The following SRPK2 variants were observed in gnomAD, a reference collection of about 807,000 sequenced individuals.
SRPK2 encodes the protein SRSF protein kinase 2.
A neutral mutation model predicts 90.8 loss-of-function variants in SRPK2; 21 were observed. The observed-to-expected ratio is 0.23, with a 90% CI of 0.16 to 0.33. The LOEUF is 0.33. Among genes scored for constraint, SRPK2 ranks in the 10% least tolerant of loss-of-function variants. The pLI is 1.00. For missense variants in SRPK2, 620 were observed against 869.0 expected, an observed-to-expected ratio of 0.71 and a Z score of 3.60; for synonymous variants, 288 against 311.1, an observed-to-expected ratio of 0.93 and a Z score of 0.78.
chr7:105,268,872 G>A (rs1439350683), intron 2 of SRPK2: 1 of 1,583,258 alleles, frequency 6.3e-7, no homozygotes, highest in Non-Finnish European at 8.6e-7. Flanking sequence ...CTTGATTTCT[G>A]GAAAAATCAG....
Position 105,197,859 on chromosome 7 carries a change from C to A in SRPK2, c.229+5769G>T, listed in dbSNP as rs557083974. Reference sequence around the variant, plus strand: ...AATAATTCAAGAGATGAAAACTGTACAAAGGTGCCAACTTATCTAAGAATG... The same window carrying A: ...AATAATTCAAGAGATGAAAACTGTAAAAAGGTGCCAACTTATCTAAGAATG... On this transcript the variant is annotated intron_variant, in intron 3 of 15. Transcript: ENST00000393651. 8.5e-5 allele frequency among the ~76,000 whole-genome samples: 13 copies of A among 152,310 alleles called. No homozygotes were observed. In the South Asian group the frequency reaches 2.7e-3, roughly 32 times the overall value.
rs540926708 is a variant in SRPK2 at position 105,151,918 on chromosome 7, G to T, written c.622-5260C>A. On this transcript the variant is annotated intron_variant, in intron 7 of 15. Coordinates refer to ENST00000393651, the MANE Select transcript of SRPK2 (RefSeq NM_182692.3). ...GCATGCCTGTAATCGCTGCTACTCAGGAGGTTGAGGCAGGAGAATCACTTG... is the reference window on the plus strand; with the variant it reads ...GCATGCCTGTAATCGCTGCTACTCATGAGGTTGAGGCAGGAGAATCACTTG... Among the ~76,000 whole-genome samples the T allele has an allele frequency of 2.6e-5, 4 of 151,818 alleles. No individual in the cohort carries two copies. In the East Asian group the frequency reaches 7.9e-4, roughly 30 times the overall value.
At chr7:105,339,824 G>A (rs1380828626) in intron 2 of SRPK2, among the ~76,000 whole-genome samples, 1 of 152,122 alleles carries the variant, frequency 6.6e-6, no homozygotes, top group African/African-American at 2.4e-5. Flanking sequence ...ACTCTGGAAG[G>A]CCAAGGCAGG....
chr7:105,267,970 C>A (rs750912757), intron 2 of SRPK2, among the ~76,000 whole-genome samples: 4 of 151,994 alleles, frequency 2.6e-5, no homozygotes, highest in Non-Finnish European at 4.4e-5. Flanking sequence ...CAACTGTATG[C>A]CCAGGAATCT....
chr7:105,323,753 G>A (rs929596549), intron 2 of SRPK2, among the ~76,000 whole-genome samples: 6 of 152,052 alleles, frequency 3.9e-5, no homozygotes, highest in African/African-American at 1.4e-4. Flanking sequence ...TTTCCAAAAA[G>A]GTATGGTACT....
At chr7:105,194,115 T>G (rs2129606920) in intron 3 of SRPK2, among the ~76,000 whole-genome samples, 1 of 152,348 alleles carries the variant, frequency 6.6e-6, no homozygotes. Flanking sequence ...ATTAATTTTT[T>G]ATTTTATAGT....
chr7:105,289,952 AG>A (rs771134133), intron 2 of SRPK2, among the ~76,000 whole-genome samples: 2 of 152,166 alleles, frequency 1.3e-5, no homozygotes, highest in African/African-American at 2.4e-5. Context: ...GTTGTGTCGC[AG>A]GAAGTAGGAA....
At chr7:105,341,838 G>A (rs1443710128) in intron 2 of SRPK2, among the ~76,000 whole-genome samples, 4 of 151,754 alleles carry the variant, frequency 2.6e-5, no homozygotes, top group Admixed American at 6.6e-5. Flanking sequence ...GTGGTGGCCC[G>A]CGCCTGTAAT....
At chr7:105,122,474 T>A (rs889541529) in intron 15 of SRPK2, among the ~76,000 whole-genome samples, 1 of 152,162 alleles carries the variant, frequency 6.6e-6, no homozygotes, top group African/African-American at 2.4e-5. Context: ...GGAGTGGCAG[T>A]GACAACGCCC....
chr7:105,260,782 G>A (rs1804123443), intron 2 of SRPK2, among the ~76,000 whole-genome samples: 2 of 149,940 alleles, frequency 1.3e-5, no homozygotes, highest in African/African-American at 4.9e-5. Context: ...CTATCACAAG[G>A]ACAGAAAACC....
At chr7:105,260,570 A>C (rs906355978) in intron 2 of SRPK2, among the ~76,000 whole-genome samples, 3 of 152,234 alleles carry the variant, frequency 2.0e-5, no homozygotes, top group Non-Finnish European at 4.4e-5. Flanking sequence ...GCTGCTATAA[A>C]GACACATGCA....
At chr7:105,396,824 G>GAGAA (rs1217631540) in intron 1 of SRPK2, among the ~76,000 whole-genome samples, 3 of 54,658 alleles carry the variant, frequency 5.5e-5, no homozygotes, top group Non-Finnish European at 2.2e-4. Context: ...GAGAGAAAGA[G>GAGAA]AGAGAGAGAG....
At chr7:105,371,065 T>C (rs768505934) in intron 2 of SRPK2, among the ~76,000 whole-genome samples, 5 of 152,182 alleles carry the variant, frequency 3.3e-5, no homozygotes, top group African/African-American at 4.8e-5. Flanking sequence ...GTATTATATA[T>C]GCCCAAATGT....
At chr7:105,295,476 AAGTATG>A (rs1809688083) in intron 2 of SRPK2, among the ~76,000 whole-genome samples, 1 of 152,218 alleles carries the variant, frequency 6.6e-6, no homozygotes, top group South Asian at 2.1e-4. Context: ...AAAAGGAATG[AAGTATG>A]ACACATGCTA....
chr7:105,222,378 A>G (rs1227013481), intron 2 of SRPK2, among the ~76,000 whole-genome samples: 1 of 152,254 alleles, frequency 6.6e-6, no homozygotes, highest in East Asian at 1.9e-4. Flanking sequence ...ACTTAATATT[A>G]ACAAGTAACA....
rs535642402 is a variant in SRPK2 at position 105,124,501 on chromosome 7, C to T, written c.1915+1747G>A. ...ACTAAAAATACAAAAATTAGCCGGG[C>T]GTGGTGGCAGGTGCCTGTAATCCCG... On this transcript the variant is annotated intron_variant, in intron 15 of 15. Transcript: ENST00000393651. 1.1e-4 allele frequency among the ~76,000 whole-genome samples: 16 copies of T among 151,896 alleles called. No individual in the cohort carries two copies. The East Asian group carries it at 2.5e-3, about 24-fold the overall frequency.
intron 2 of SRPK2, among the ~76,000 whole-genome samples, chr7:105,332,147 C>A (rs533551730): frequency 1.2e-4 from 19 of 152,138 alleles, no homozygotes; most frequent in Non-Finnish European, 2.5e-4. Context: ...AAGAAAAACA[C>A]AGCTTCCCAC....
intron 2 of SRPK2, chr7:105,301,797 G>A: frequency 6.4e-7 from 1 of 1,569,384 alleles, no homozygotes; most frequent in African/African-American, 1.4e-5. Context: ...AGCTAATCTT[G>A]GAACCGCTAT....
chr7:105,310,588 A>G (rs1023285925), intron 2 of SRPK2, among the ~76,000 whole-genome samples: 2 of 152,088 alleles, frequency 1.3e-5, no homozygotes, highest in Admixed American at 6.6e-5. Context: ...AGGTTGTAGA[A>G]GCCGAGATCG....
Sources: allele counts gnomAD v4.1 joint callset (sites outside exome capture counted in the v4.1 genomes callset), GRCh38; gene constraint gnomAD v4.1.1; transcripts MANE v1.5; gene names NCBI Gene and HGNC (gene_info 2026-07-23, HGNC 2026-07-21).